Variants in PCDHGA3 observed in about 807,000 individuals in gnomAD.
PCDHGA3 encodes the protein protocadherin gamma subfamily A, 3.
A neutral mutation model predicts 58.5 loss-of-function variants in PCDHGA3; 40 were observed. The observed-to-expected ratio is 0.68, with a 90% confidence interval of 0.53 to 0.89. The LOEUF (loss-of-function observed/expected upper bound fraction) is 0.89. PCDHGA3 is among the 40% of genes least tolerant of loss of function. PCDHGA3 has a pLI of 0.00. For synonymous variants in PCDHGA3, 530 were observed against 525.7 expected (o/e 1.01, Z -0.11); for missense variants, 1,223 against 1,195.9 (o/e 1.02, Z -0.33).
intron 1 of PCDHGA3, among the ~76,000 whole-genome samples, chr5:141,380,312 T>C (rs1776368746): frequency 6.6e-6 from 1 of 152,162 alleles, no homozygotes; most frequent in Middle Eastern, 3.2e-3. Context: ...TGCTTGAGAA[T>C]GAAAATCTAA....
chr5:141,452,494 T>C (rs1186924396), intron 1 of PCDHGA3, among the ~76,000 whole-genome samples: 2 of 152,192 alleles, frequency 1.3e-5, no homozygotes, highest in African/African-American at 4.8e-5. Flanking sequence ...CACACCCATA[T>C]TTATATTTGT....
At position 141,432,818 on chromosome 5, in the gene PCDHGA3, T is replaced by C. The variant is rs370597280; in HGVS notation, c.2425-61989T>C. On this transcript the variant is annotated intron_variant, in intron 1 of 3. Transcript: ENST00000253812. This position sits in a 1 kb window ranked among gnomAD's most constrained non-coding sequence, Gnocchi z 6.0. The stretch of plus-strand genomic sequence containing the variant: ...CGAGTCTCCAGCTAACTCTGAAACC[T>C]CAGACCTCACTCTGTACCTGGTGGT... 9.9e-6 allele frequency: 16 copies of C among 1,614,106 alleles called. No individual in the cohort carries two copies. The highest frequency in any genetic ancestry group is 1.4e-5 in the Non-Finnish European group (16 of 1,179,986).
intron 1 of PCDHGA3, among the ~76,000 whole-genome samples, chr5:141,348,981 A>G (rs1758215377): frequency 6.6e-6 from 1 of 152,100 alleles, no homozygotes; most frequent in Admixed American, 6.6e-5. Context: ...GTGTCTAAGA[A>G]CTCTGAATAC....
chr5:141,403,088 G>C (rs1561685667), intron 1 of PCDHGA3: 2 of 1,614,030 alleles, frequency 1.2e-6, no homozygotes, highest in Non-Finnish European at 1.7e-6. Context: ...CTATATTGTG[G>C]GCAACATCTC....
In PCDHGA3 at chr5:141,352,432, A is replaced by G. The variant is rs1459496210; in HGVS notation, c.2424+5975A>G. The G allele has an allele frequency of 1.9e-6, 3 of 1,613,946 alleles. No homozygotes were observed. In the South Asian group the frequency reaches 3.3e-5, roughly 18 times the overall value. ...GCCTCGACACTGAGGGCTGCTTTCA[A>G]ACCGGTCTCTGCTCCAAGTCTGGGC... is the stretch of plus-strand genomic sequence containing the variant. On this transcript the variant is annotated intron_variant, in intron 1 of 3. Transcript: ENST00000253812.
At chr5:141,382,462 TA>T (rs1346990551) in intron 1 of PCDHGA3, among the ~76,000 whole-genome samples, 1 of 152,240 alleles carries the variant, frequency 6.6e-6, no homozygotes, top group East Asian at 1.9e-4. Flanking sequence ...AGCAGTTTTT[TA>T]AAAATTATCT....
At chr5:141,427,570 C>G (rs1487817661) in intron 1 of PCDHGA3, 8 of 662,270 alleles carry the variant, frequency 1.2e-5, no homozygotes, top group Non-Finnish European at 2.2e-5. Flanking sequence ...GGCAAGCCTC[C>G]GCTCTCATCC....
rs370067669 is a variant in PCDHGA3 at position 141,419,410 on chromosome 5, G to A, written c.2424+72953G>A. ...CGCAGAGCGGGGTGGTGTTCGCGCA[G>A]CGCGCCTTCGACCACGAGCAGCTGC... On this transcript the variant is annotated intron_variant, in intron 1 of 3. Coordinates refer to ENST00000253812, the MANE Select transcript of PCDHGA3 (RefSeq NM_018916.4). 140 of 1,613,468 alleles carry A rather than the reference G, an allele frequency of 8.7e-5. No individual in the cohort carries two copies. In the African/African-American group the frequency reaches 1.8e-3, roughly 20 times the overall value.
chr5:141,371,753 C>G, intron 1 of PCDHGA3: 1 of 1,614,050 alleles, frequency 6.2e-7, no homozygotes, highest in Non-Finnish European at 8.5e-7. Context: ...CCGTTTTCCA[C>G]CAGGCCTCCT....
chr5:141,408,346 G>T (rs1248648378), intron 1 of PCDHGA3: 1 of 1,613,824 alleles, frequency 6.2e-7, no homozygotes, highest in African/African-American at 1.3e-5. Context: ...CGGTGGTGGG[G>T]AACCTCGCTA....
intron 1 of PCDHGA3, among the ~76,000 whole-genome samples, chr5:141,444,472 C>T (rs559334960): frequency 2.1e-4 from 32 of 151,968 alleles, no homozygotes; most frequent in Admixed American, 1.5e-3. Flanking sequence ...CGCCCGGTCG[C>T]GTACTGGATT....
intron 2 of PCDHGA3, among the ~76,000 whole-genome samples, chr5:141,504,870 AG>A (rs1453764331): frequency 6.6e-6 from 1 of 151,996 alleles, no homozygotes; most frequent in Non-Finnish European, 1.5e-5. Context: ...CCACCTTCAC[AG>A]TCCTCTGGAG....
Position 141,489,510 on chromosome 5 carries a change from T to A in PCDHGA3, c.2425-5297T>A, listed in dbSNP as rs762210983. 1 of 1,614,124 alleles carries A rather than the reference T, an allele frequency of 6.2e-7. No individual in the cohort carries two copies. The highest frequency in any genetic ancestry group is 1.7e-5 in the Admixed American group (1 of 60,022). On this transcript the variant is annotated intron_variant, in intron 1 of 3. Transcript: ENST00000253812. This position sits in a 1 kb window ranked among gnomAD's most constrained non-coding sequence, Gnocchi z 4.5. Reference sequence around the variant, plus strand: ...GTGCCCTGGCAGTGAATCAAAAGATTGACCGAGAAAGCCTATGTGGAGCCA... The same window carrying A: ...GTGCCCTGGCAGTGAATCAAAAGATAGACCGAGAAAGCCTATGTGGAGCCA...
chr5:141,498,078 G>A (rs1165770641), intron 2 of PCDHGA3, among the ~76,000 whole-genome samples: 6 of 152,194 alleles, frequency 3.9e-5, no homozygotes, highest in African/African-American at 1.4e-4. Flanking sequence ...ATAAGTGCTA[G>A]GTAGAATTGT....
intron 1 of PCDHGA3, chr5:141,416,530 G>C (rs976560428): frequency 6.6e-6 from 1 of 152,160 alleles, no homozygotes; most frequent in Non-Finnish European, 1.5e-5. Context: ...GCTCTTTAAT[G>C]TATAAGGAGG....
chr5:141,500,184 T>TTTTA (rs58019021), intron 2 of PCDHGA3, among the ~76,000 whole-genome samples: 28,743 of 135,782 alleles, frequency 0.21, 3,285 homozygotes, highest in African/African-American at 0.3. Context: ...TCATTTTTAT[T>TTTTA]TTTATTTATT....
chr5:141,392,970 G>A (rs2092639280), intron 1 of PCDHGA3: 1 of 1,613,778 alleles, frequency 6.2e-7, no homozygotes, highest in Non-Finnish European at 8.5e-7. Flanking sequence ...CAAGGACCTG[G>A]GGCTGGACCC....
Position 141,389,732 on chromosome 5 carries a change from C to T in PCDHGA3, c.2424+43275C>T, listed in dbSNP as rs765577336. 11 of 1,612,674 alleles carry T rather than the reference C, an allele frequency of 6.8e-6. No homozygotes were observed. The South Asian group carries it at 1.2e-4, about 18-fold the overall frequency. ...AGGCTAGCGAGCCCGGGCTCTTCAGCCTGGGGCTGCGCACGGGCGAAGTGC... is the reference window on the plus strand; with the variant it reads ...AGGCTAGCGAGCCCGGGCTCTTCAGTCTGGGGCTGCGCACGGGCGAAGTGC... On this transcript the variant is annotated intron_variant, in intron 1 of 3. Transcript: ENST00000253812.
intron 1 of PCDHGA3, chr5:141,376,285 C>T (rs1303749719): frequency 5.0e-6 from 8 of 1,614,112 alleles, no homozygotes; most frequent in Admixed American, 1.7e-5. Flanking sequence ...GCTTAGCGAG[C>T]ATGCCCGGCT....
Sources: gnomAD v4.1 joint callset for allele counts (sites outside exome capture counted in the v4.1 genomes callset) on GRCh38, gnomAD v4.1.1 for gene constraint, Gnocchi (gnomAD v3.1) non-coding constraint, MANE v1.5 for transcripts, NCBI Gene and HGNC (gene_info 2026-07-23, HGNC 2026-07-21) for gene names.